The following PARP8 variants were observed in gnomAD, a reference collection of about 807,000 sequenced individuals.
PARP8 encodes protein mono-ADP-ribosyltransferase PARP8.
In PARP8, 51 loss-of-function variants were observed where a neutral mutation model predicts 124.1. The observed-to-expected ratio is 0.41, with a 90% CI of 0.33 to 0.52. The LOEUF is 0.52. PARP8 is among the 20% of genes least tolerant of loss of function. PARP8 has a pLI of 0.21. For missense variants in PARP8, 860 were observed against 1,018.9 expected, an observed-to-expected ratio of 0.84 and a Z score of 2.12; for synonymous variants, 391 against 361.5, an observed-to-expected ratio of 1.08 and a Z score of -0.93.
At chr5:50,809,747 G>T (rs758977019) in intron 14 of PARP8, among the ~76,000 whole-genome samples, 12 of 151,808 alleles carry the variant, frequency 7.9e-5, no homozygotes, top group Admixed American at 1.3e-4. Flanking sequence ...ATATTTTGTT[G>T]AAACAAAAAG....
intron 14 of PARP8, among the ~76,000 whole-genome samples, chr5:50,812,157 G>A (rs1236938222): frequency 6.6e-6 from 1 of 152,150 alleles, no homozygotes; most frequent in Non-Finnish European, 1.5e-5. Context: ...AGATCCTTGA[G>A]GAATCGCCAC....
intron 2 of PARP8, among the ~76,000 whole-genome samples, chr5:50,746,545 A>G (rs940057745): frequency 2.7e-4 from 41 of 152,196 alleles, no homozygotes; most frequent in Non-Finnish European, 1.0e-4. Flanking sequence ...TATATTATAT[A>G]AAAAGTAAAA....
intron 2 of PARP8, among the ~76,000 whole-genome samples, chr5:50,706,110 C>A (rs1754122518): frequency 6.6e-6 from 1 of 152,060 alleles, no homozygotes; most frequent in Admixed American, 6.6e-5. Flanking sequence ...GGTACTGTTT[C>A]CCCCATTCTT....
chr5:50,802,548 C>T (rs1334111907), intron 14 of PARP8, among the ~76,000 whole-genome samples: 2 of 152,072 alleles, frequency 1.3e-5, no homozygotes, highest in African/African-American at 4.8e-5. Context: ...GTCTTGAAGT[C>T]CTGGCCTCAA....
At chr5:50,679,091 T>TG (rs1227629306) in intron 2 of PARP8, among the ~76,000 whole-genome samples, 1 of 152,168 alleles carries the variant, frequency 6.6e-6, no homozygotes, top group African/African-American at 2.4e-5. Flanking sequence ...AGCCACCTTT[T>TG]TATTCCTTTA....
chr5:50,750,536 T>A (rs1759122457), intron 3 of PARP8, among the ~76,000 whole-genome samples: 1 of 152,150 alleles, frequency 6.6e-6, no homozygotes, highest in Non-Finnish European at 1.5e-5. Flanking sequence ...AGGTAACATT[T>A]ATTTGTTTCA....
At chr5:50,815,657 G>T (rs1442924837) in intron 15 of PARP8, 133 bp downstream of exon 15, 1 of 545,924 alleles carries the variant, frequency 1.8e-6, no homozygotes, top group South Asian at 3.5e-5. Context: ...ATTGGCATTT[G>T]ATTTTTTTTA....
Position 50,821,224 on chromosome 5 carries a change from A to G in PARP8, c.1680A>G (p.Leu560=), listed in dbSNP as rs1245141478. Residue 560 remains leucine, a synonymous_variant, in exon 16 of 26, where the codon CTA becomes CTG. Transcript: ENST00000281631. ...GTGTATATTTCAAGGTGGTAGATCT[A>G]CTAGTATCCATGTGTAGGTCTGCGT... ...EIATGAQVVD[L]LVSMCRSALE... is the part of the protein sequence containing the mutation. The G allele has an allele frequency of 1.9e-6, 3 of 1,614,020 alleles. No homozygotes were observed. The highest frequency in any genetic ancestry group is 2.5e-6 in the Non-Finnish European group (3 of 1,179,918).
At position 50,706,948 on chromosome 5, in the gene PARP8, A is replaced by G. The variant is rs73101013; in HGVS notation, c.146+38823A>G. 9.7e-4 allele frequency among the ~76,000 whole-genome samples: 147 copies of G among 152,174 alleles called. 1 individual carries two copies. Among genetic ancestry groups the G allele is most frequent in the African/African-American group, 3.4e-3 (142 of 41,574 alleles). On this transcript the variant is annotated intron_variant, in intron 2 of 25. Coordinates refer to ENST00000281631, the MANE Select transcript of PARP8 (RefSeq NM_024615.4). ...TGATTGATTTCTGTAATTTTCATAT[A>G]CTAGCACGCATATATCTTGCTTATG...
At chr5:50,710,649 A>G (rs562217321) in intron 2 of PARP8, among the ~76,000 whole-genome samples, 176 of 152,248 alleles carry the variant, frequency 1.2e-3, no homozygotes, top group African/African-American at 4.2e-3. Context: ...TTTAGAGAGA[A>G]ATAAGGATCA....
At position 50,810,951 on chromosome 5, in the gene PARP8, C is replaced by T. The variant is rs141758554; in HGVS notation, c.1576-4481C>T. ...AAAGATAAAATTATTTTTATAAGAACGTATTCCTTACTTTTACTTCTCGTT... is the reference window on the plus strand; with the variant it reads ...AAAGATAAAATTATTTTTATAAGAATGTATTCCTTACTTTTACTTCTCGTT... On this transcript the variant is annotated intron_variant, in intron 14 of 25. Transcript: ENST00000281631. Among the ~76,000 whole-genome samples the T allele has an allele frequency of 3.5e-4, 53 of 152,088 alleles. No individual in the cohort carries two copies. In the East Asian group the frequency reaches 7.9e-3, roughly 23 times the overall value.
chr5:50,803,946 T>C (rs1422767339), intron 14 of PARP8, among the ~76,000 whole-genome samples: 1 of 152,162 alleles, frequency 6.6e-6, no homozygotes, highest in Non-Finnish European at 1.5e-5. Context: ...CCAAACTGTT[T>C]TGGCAGTCCT....
chr5:50,775,483 G>A (rs1240709101), intron 7 of PARP8, among the ~76,000 whole-genome samples: 2 of 152,092 alleles, frequency 1.3e-5, no homozygotes, highest in Non-Finnish European at 2.9e-5. Context: ...GGAGCCCGAG[G>A]CAGGGAGGTT....
At chr5:50,773,548 G>T (rs1761841123) in intron 7 of PARP8, among the ~76,000 whole-genome samples, 1 of 151,992 alleles carries the variant, frequency 6.6e-6, no homozygotes, top group Non-Finnish European at 1.5e-5. Flanking sequence ...TTTTTATGCT[G>T]GTCCCATGCT....
At chr5:50,813,029 A>G (rs1744650335) in intron 14 of PARP8, among the ~76,000 whole-genome samples, 1 of 152,208 alleles carries the variant, frequency 6.6e-6, no homozygotes, top group Admixed American at 6.5e-5. Context: ...AGGTAGCATG[A>G]TGCCTCCAGC....
chr5:50,774,734 A>G (rs540362076), intron 7 of PARP8, among the ~76,000 whole-genome samples: 4 of 109,266 alleles, frequency 3.7e-5, no homozygotes, highest in East Asian at 6.2e-4. Context: ...GGCACTCCTC[A>G]TTTCCGGGGC....
intron 2 of PARP8, among the ~76,000 whole-genome samples, chr5:50,700,685 A>C (rs1456800395): frequency 2.0e-5 from 3 of 152,178 alleles, no homozygotes; most frequent in African/African-American, 7.2e-5. Flanking sequence ...AACTGTTTGC[A>C]GTCTCTTGAC....
rs537032341 is a variant in PARP8, at chr5:50,817,480, A to C, written c.1668+1956A>C. Reference sequence around the variant, plus strand: ...CCTCAGGATCTCATTGCCTCAGTTTACCCGTGCATTTTAAGTGGTGCTCTG... The same window carrying C: ...CCTCAGGATCTCATTGCCTCAGTTTCCCCGTGCATTTTAAGTGGTGCTCTG... On this transcript the variant is annotated intron_variant, in intron 15 of 25. Transcript: ENST00000281631. 2.0e-5 allele frequency among the ~76,000 whole-genome samples: 3 copies of C among 152,258 alleles called. No individual in the cohort carries two copies. In the East Asian group the frequency reaches 5.8e-4, roughly 29 times the overall value.
intron 2 of PARP8, chr5:50,744,871 T>C: frequency 3.0e-6 from 2 of 673,694 alleles, no homozygotes; most frequent in South Asian, 3.2e-5. Flanking sequence ...CTTGACAATA[T>C]TTTCTGCCTG....
Sources: allele counts gnomAD v4.1 joint callset (sites outside exome capture counted in the v4.1 genomes callset), GRCh38; gene constraint gnomAD v4.1.1; transcripts MANE v1.5; gene names NCBI Gene and HGNC (gene_info 2026-07-23, HGNC 2026-07-21).